The following DAB1 variants were observed in gnomAD, a reference collection of about 807,000 sequenced individuals.
DAB1 encodes the protein DAB adaptor protein 1.
Under a neutral mutation model 64.6 loss-of-function variants are expected in DAB1, and 15 were observed. The ratio of observed to expected loss-of-function variants is 0.23; its 90% CI spans 0.16 to 0.36. The LOEUF (loss-of-function observed/expected upper bound fraction) is 0.36, where lower values mean the gene tolerates loss of function less well. DAB1 is among the 10% of genes least tolerant of loss of function. The pLI, the probability that DAB1 is intolerant of heterozygous loss-of-function variation, is 1.00. For synonymous variants in DAB1, 235 were observed against 251.9 expected (o/e 0.93, Z 0.64); for missense variants, 596 against 706.7 (o/e 0.84, Z 1.78).
chr1:58,345,722 C>T (rs1342833305), intron 3 of DAB1, among the ~76,000 whole-genome samples: 2 of 152,140 alleles, frequency 1.3e-5, no homozygotes, highest in East Asian at 1.9e-4. Flanking sequence ...CTGAGCTTCC[C>T]TCGTGCCTAA....
intron 4 of DAB1, among the ~76,000 whole-genome samples, chr1:58,239,148 C>A (rs1660180232): frequency 6.6e-6 from 1 of 152,160 alleles, no homozygotes; most frequent in African/African-American, 2.4e-5. Context: ...TTGTCATCTG[C>A]AACTAAGAAC....
chr1:57,750,438 A>G (rs1648500239), intron 6 of DAB1, among the ~76,000 whole-genome samples: 1 of 152,026 alleles, frequency 6.6e-6, no homozygotes, highest in Non-Finnish European at 1.5e-5. Flanking sequence ...TCTCCTACCT[A>G]CCTGAGTGGC....
intron 2 of DAB1, among the ~76,000 whole-genome samples, chr1:57,264,603 G>T (rs1300777641): frequency 2.0e-5 from 3 of 152,184 alleles, no homozygotes; most frequent in African/African-American, 7.2e-5. Flanking sequence ...CTGATGGTCA[G>T]TGATGTCCTG....
intron 2 of DAB1, among the ~76,000 whole-genome samples, chr1:57,264,463 G>A (rs1342244881): frequency 6.6e-6 from 1 of 152,172 alleles, no homozygotes; most frequent in East Asian, 1.9e-4. Flanking sequence ...ATCTGATCAT[G>A]GTCATATTTT....
At position 57,564,034 on chromosome 1, in the gene DAB1, C is replaced by A. The variant is rs574612777; in HGVS notation, n.625+85558G>T. On this transcript the variant is annotated intron_variant and non_coding_transcript_variant, in intron 7 of 20. Transcript: ENST00000485760. ...CCTGAGTAGCCAAACTGGGAGGCAC[C>A]CCCAGTAGGGGCAGACTGACACCCA... Among the ~76,000 whole-genome samples the A allele has an allele frequency of 5.9e-5, 9 of 152,268 alleles. No homozygotes were observed. The South Asian group carries it at 1.9e-3, about 32-fold the overall frequency.
At chr1:57,013,058 C>T (rs1197703441) in intron 12 of DAB1, among the ~76,000 whole-genome samples, 3 of 152,234 alleles carry the variant, frequency 2.0e-5, no homozygotes, top group African/African-American at 4.8e-5. Context: ...AGGGGATATA[C>T]GTTTCTCTCA....
chr1:57,142,885 T>C (rs563633603), intron 3 of DAB1, among the ~76,000 whole-genome samples: 1 of 152,288 alleles, frequency 6.6e-6, no homozygotes, highest in South Asian at 2.1e-4. Context: ...AACCAGATCT[T>C]TGCATTTTCT....
chr1:57,087,603 G>A (rs1171483564), intron 4 of DAB1, among the ~76,000 whole-genome samples: 1 of 152,202 alleles, frequency 6.6e-6, no homozygotes, highest in Non-Finnish European at 1.5e-5. Context: ...ATCGGAAGGA[G>A]AGTTGGGACT....
At chr1:57,334,177 T>C (rs1676900881) in intron 1 of DAB1, among the ~76,000 whole-genome samples, 1 of 152,170 alleles carries the variant, frequency 6.6e-6, no homozygotes, top group Non-Finnish European at 1.5e-5. Context: ...GCTAAGACTG[T>C]GTGGCAGGAA....
At chr1:57,302,178 A>G (rs17115568) in intron 1 of DAB1, among the ~76,000 whole-genome samples, 2,434 of 152,268 alleles carry the variant, frequency 0.016, 53 homozygotes, top group African/African-American at 0.056. Flanking sequence ...TATCTCCCTG[A>G]CAAAAAAGCA....
intron 8 of DAB1, among the ~76,000 whole-genome samples, chr1:57,069,078 C>T (rs774568976): frequency 2.6e-5 from 4 of 152,118 alleles, no homozygotes; most frequent in African/African-American, 9.7e-5. Context: ...CACCAGCTCT[C>T]CAATGTATTA....
At chr1:57,930,152 A>G (rs1228185434) in intron 5 of DAB1, among the ~76,000 whole-genome samples, 1 of 152,196 alleles carries the variant, frequency 6.6e-6, no homozygotes, top group East Asian at 1.9e-4. Context: ...CAAAAAGACT[A>G]TCTTTTCTCC....
chr1:57,783,797 A>T (rs1030672999), intron 6 of DAB1, among the ~76,000 whole-genome samples: 1 of 152,140 alleles, frequency 6.6e-6, no homozygotes, highest in African/African-American at 2.4e-5. Flanking sequence ...TACTATTGTA[A>T]TTGTTGTAGG....
intron 3 of DAB1, among the ~76,000 whole-genome samples, chr1:58,492,609 A>C (rs1378003313): frequency 6.6e-6 from 1 of 152,228 alleles, no homozygotes; most frequent in Non-Finnish European, 1.5e-5. Flanking sequence ...ACAGAAATAC[A>C]AACTACCATC....
intron 4 of DAB1, among the ~76,000 whole-genome samples, chr1:58,275,033 T>C (rs1184757255): frequency 6.6e-6 from 1 of 152,158 alleles, no homozygotes; most frequent in Non-Finnish European, 1.5e-5. Flanking sequence ...CTCCTCCCCC[T>C]ATACTCAAAT....
At chr1:58,370,774 G>A (rs1644258780) in intron 3 of DAB1, among the ~76,000 whole-genome samples, 1 of 152,106 alleles carries the variant, frequency 6.6e-6, no homozygotes, top group Non-Finnish European at 1.5e-5. Context: ...AGATTTGATG[G>A]TTTTTATCAG....
At chr1:57,509,090 C>T (rs1644379649) in intron 7 of DAB1, among the ~76,000 whole-genome samples, 1 of 151,838 alleles carries the variant, frequency 6.6e-6, no homozygotes, top group Non-Finnish European at 1.5e-5. Flanking sequence ...ATGTACAAAA[C>T]ACACATACAC....
chr1:57,130,154 A>T (rs579057), intron 4 of DAB1, among the ~76,000 whole-genome samples: 23,628 of 151,742 alleles, frequency 0.16, 2,037 homozygotes, highest in African/African-American at 0.21. Flanking sequence ...GGCTTTCTTA[A>T]TTCTGCTTAG....
intron 4 of DAB1, among the ~76,000 whole-genome samples, chr1:57,109,673 A>G (rs761637638): frequency 1.3e-5 from 2 of 152,174 alleles, no homozygotes; most frequent in Non-Finnish European, 2.9e-5. Flanking sequence ...ATGCTCAGTG[A>G]TCCAGATGCA....
Sources: allele counts gnomAD v4.1 joint callset (sites outside exome capture counted in the v4.1 genomes callset), GRCh38; gene constraint gnomAD v4.1.1; transcripts MANE v1.5; gene names NCBI Gene and HGNC (gene_info 2026-07-23, HGNC 2026-07-21).